Variants in RNF19A observed in about 807,000 individuals in gnomAD.
RNF19A encodes ring finger protein 19A, RBR E3 ubiquitin protein ligase, also known as E3 ubiquitin-protein ligase RNF19A.
Under a neutral mutation model 75.7 loss-of-function variants are expected in RNF19A, and 32 were observed. The ratio of observed to expected loss-of-function variants is 0.42; its 90% CI spans 0.32 to 0.57. The LOEUF is 0.57. Among genes scored for constraint, RNF19A ranks in the 20% least tolerant of loss-of-function variants. RNF19A has a pLI of 0.10. For missense variants in RNF19A, 782 were observed against 1,036.3 expected (o/e 0.75, Z 3.37); for synonymous variants, 335 against 345.2 (o/e 0.97, Z 0.33).
chr8:100,295,880 C>T (rs1317982249), intron 1 of RNF19A, among the ~76,000 whole-genome samples: 2 of 152,186 alleles, frequency 1.3e-5, no homozygotes, highest in African/African-American at 4.8e-5. Flanking sequence ...AGAGAAATCA[C>T]TGAAGTTCAT....
At chr8:100,294,537 C>T (rs1385060034) in intron 1 of RNF19A, among the ~76,000 whole-genome samples, 1 of 152,144 alleles carries the variant, frequency 6.6e-6, no homozygotes, top group African/African-American at 2.4e-5. Flanking sequence ...CTTACCATAA[C>T]TCCCTCCTTT....
intron 1 of RNF19A, among the ~76,000 whole-genome samples, chr8:100,335,826 G>C (rs1012252234): frequency 3.3e-5 from 5 of 152,214 alleles, no homozygotes; most frequent in Admixed American, 3.3e-4. Context: ...GGAGGTGCGG[G>C]CCTAGACAGC....
upstream of RNF19A, among the ~76,000 whole-genome samples, chr8:100,311,730 AAAAAAAAAAG>A (rs1347578401): frequency 1.3e-5 from 2 of 150,334 alleles, no homozygotes; most frequent in African/African-American, 5.0e-5. Context: ...AAAAAAAAAA[AAAAAAAAAAG>A]AAAAGAAAAT....
At chr8:100,263,152 G>A (rs544360443) in intron 7 of RNF19A, among the ~76,000 whole-genome samples, 33 of 152,284 alleles carry the variant, frequency 2.2e-4, no homozygotes, top group Non-Finnish European at 4.0e-4. Context: ...GGGGAAAAGT[G>A]TAGATACATA....
intron 1 of RNF19A, among the ~76,000 whole-genome samples, chr8:100,327,824 T>C (rs2130388487): frequency 6.6e-6 from 1 of 152,370 alleles, no homozygotes; most frequent in East Asian, 1.9e-4. Flanking sequence ...GCTTCACCAT[T>C]GTTCTTCAAG....
At chr8:100,316,273 T>A (rs2130316666) in intron 1 of RNF19A, among the ~76,000 whole-genome samples, 1 of 152,154 alleles carries the variant, frequency 6.6e-6, no homozygotes, top group Non-Finnish European at 1.5e-5. Context: ...AAAAGCAGCG[T>A]GGACCCAAAG....
chr8:100,263,782 A>C (rs1260238231), intron 7 of RNF19A, among the ~76,000 whole-genome samples: 1 of 152,066 alleles, frequency 6.6e-6, no homozygotes, highest in African/African-American at 2.4e-5. Flanking sequence ...TTTCAGGCAA[A>C]ATTTAAGATG....
chr8:100,290,619 C>A (rs1390591798), intron 1 of RNF19A, among the ~76,000 whole-genome samples: 1 of 152,090 alleles, frequency 6.6e-6, no homozygotes, highest in Non-Finnish European at 1.5e-5. Flanking sequence ...TTCACAAACA[C>A]AGGATAGATA....
At position 100,324,800 on chromosome 8, in the gene RNF19A, CTCTT is replaced by C. The variant is rs1356596704; in HGVS notation, c.-243+11304_-243+11307del. On this transcript the variant is annotated intron_variant, in intron 1 of 3. Transcript: ENST00000519527. This position sits in a 1 kb window ranked among gnomAD's most constrained non-coding sequence, Gnocchi z 4.2. ...ATTGATCTATCTTTTTTCTTTCTTT[CTCTT>C]TCTTCTTCCTTCCTTCCTTCCTTCC... is the stretch of plus-strand genomic sequence containing the variant. 2.0e-5 allele frequency among the ~76,000 whole-genome samples: 3 copies of C among 151,626 alleles called. No homozygotes were observed. The highest frequency in any genetic ancestry group is 1.9e-4 in the East Asian group (1 of 5,194).
rs753883845 is a variant in RNF19A at position 100,264,190 on chromosome 8, C to T, written c.1312G>A (p.Gly438Ser). The change falls in exon 7 of 10, where the codon GGT becomes AGT. Residue 438 changes from glycine (G) to serine (S), a missense_variant. By Grantham distance (56) the Gly-to-Ser change is moderately conservative (BLOSUM62 0). Around this residue, in one of 7 missense-constraint regions of RNF19A, gnomAD observed 442 missense variants for 541.6 expected, o/e 0.82. Coordinates refer to ENST00000341084, the MANE Select transcript of RNF19A (RefSeq NM_183419.4). The surrounding 1 kb of genome is among the most constrained non-coding windows in gnomAD (Gnocchi z 4.7). ...ACATAAGCTAACATAATAGGAACAC[C>T]GATACCTAAAGAGAAATTAAATCAG... is the stretch of plus-strand genomic sequence containing the variant. ...PVVAAVTVGI[G>S]VPIMLAYVYG... The T allele has an allele frequency of 1.1e-5, 18 of 1,605,176 alleles. No homozygotes were observed. The highest frequency in any genetic ancestry group is 1.4e-5 in the Non-Finnish European group (17 of 1,175,672).
At chr8:100,334,508 T>C (rs919238864) in intron 1 of RNF19A, among the ~76,000 whole-genome samples, 9 of 152,188 alleles carry the variant, frequency 5.9e-5, no homozygotes, top group African/African-American at 1.7e-4. Context: ...CCCCAGAACA[T>C]TGGGGTTCTG....
rs918679196 is a variant in RNF19A at position 100,314,967 on chromosome 8, G to A, written c.-242-1595C>T. The stretch of plus-strand genomic sequence containing the variant: ...CGAGACACCAATATGGTAAAGTATC[G>A]TCCCTCCCCTTGAGCAGCTTGTAAA... On this transcript the variant is annotated intron_variant, in intron 1 of 3. Transcript: ENST00000519527. This position sits in a 1 kb window ranked among gnomAD's most constrained non-coding sequence, Gnocchi z 4.1. Among the ~76,000 whole-genome samples the A allele has an allele frequency of 7.9e-5, 12 of 152,114 alleles. No individual in the cohort carries two copies. Among genetic ancestry groups the A allele is most frequent in the African/African-American group, 1.4e-4 (6 of 41,414 alleles).
intron 1 of RNF19A, among the ~76,000 whole-genome samples, chr8:100,334,439 T>C (rs1822649168): frequency 6.6e-6 from 1 of 152,190 alleles, no homozygotes; most frequent in African/African-American, 2.4e-5. Flanking sequence ...TTTCCTCTGT[T>C]CTTACCTGCT....
rs552159373 is a variant in RNF19A, at chr8:100,333,632, C to A, written c.-243+2476G>T. On this transcript the variant is annotated intron_variant, in intron 1 of 3. Coordinates refer to the RNF19A transcript ENST00000519527. The surrounding 1 kb of genome is among the most constrained non-coding windows in gnomAD (Gnocchi z 4.7). ...ACTTTTCTGTGTGTTGCCTGGGCAA[C>A]ATAGCAAGAGCCCATCTCTAAAAAT... Among the ~76,000 whole-genome samples the A allele has an allele frequency of 1.8e-4, 27 of 152,300 alleles. No homozygotes were observed. The highest frequency in any genetic ancestry group is 3.4e-4 in the Non-Finnish European group (23 of 68,038).
At position 100,304,499 on chromosome 8, in the gene RNF19A, C is replaced by A. The variant is rs112461040; in HGVS notation, c.-94+5368G>T. On this transcript the variant is annotated intron_variant, in intron 1 of 9. Coordinates refer to ENST00000341084, the MANE Select transcript of RNF19A (RefSeq NM_183419.4). ...CACTACTTACCAGTTCCCACCCCCA[C>A]TTACGCACTCACATTACTTACCAGT... Among the ~76,000 whole-genome samples the A allele has an allele frequency of 2.0e-4, 30 of 152,328 alleles. 1 individual carries two copies. The highest frequency in any genetic ancestry group is 7.0e-4 in the African/African-American group (29 of 41,584).
rs1039544334 is a variant in RNF19A at position 100,332,907 on chromosome 8, T to C, written c.-243+3201A>G. Among the ~76,000 whole-genome samples, 4 of 152,264 alleles carry C rather than the reference T, an allele frequency of 2.6e-5. No homozygotes were observed. The highest frequency in any genetic ancestry group is 9.6e-5 in the African/African-American group (4 of 41,478). Reference sequence around the variant, plus strand: ...ATTAGCCTCTTTTCTATCATATGTGTTTCAATTTTTTTCTATATTGCTGTT... The same window carrying C: ...ATTAGCCTCTTTTCTATCATATGTGCTTCAATTTTTTTCTATATTGCTGTT... On this transcript the variant is annotated intron_variant, in intron 1 of 3. Transcript: ENST00000519527. The surrounding 1 kb of genome is among the most constrained non-coding windows in gnomAD (Gnocchi z 4.8).
intron 5 of RNF19A, among the ~76,000 whole-genome samples, chr8:100,267,295 A>C (rs1309653483): frequency 6.6e-6 from 1 of 152,250 alleles, no homozygotes; most frequent in Non-Finnish European, 1.5e-5. Flanking sequence ...ACAGAGACCG[A>C]AATATCGAGG....
At chr8:100,280,970 TATA>T (rs1820755193) in intron 2 of RNF19A, among the ~76,000 whole-genome samples, 4 of 152,192 alleles carry the variant, frequency 2.6e-5, no homozygotes, top group Admixed American at 2.6e-4. Flanking sequence ...TCTGCTCTGG[TATA>T]ATAAGTGTTA....
rs1271702840 is a variant in RNF19A, at chr8:100,322,981, A to G, written c.-242-9609T>C. 1.3e-5 allele frequency among the ~76,000 whole-genome samples: 2 copies of G among 152,228 alleles called. No homozygotes were observed. The highest frequency in any genetic ancestry group is 1.5e-5 in the Non-Finnish European group (1 of 68,042). Reference sequence around the variant, plus strand: ...ATATAATAATAACTTAAAAGTTTGAAATATTGTGAGAACTACCAAAATACG... The same window carrying G: ...ATATAATAATAACTTAAAAGTTTGAGATATTGTGAGAACTACCAAAATACG... On this transcript the variant is annotated intron_variant, in intron 1 of 3. Coordinates refer to the RNF19A transcript ENST00000519527. The surrounding 1 kb of genome is among the most constrained non-coding windows in gnomAD (Gnocchi z 5.1).
Sources: allele counts gnomAD v4.1 joint callset (sites outside exome capture counted in the v4.1 genomes callset), GRCh38; gene constraint gnomAD v4.1.1; regional missense constraint gnomAD v4.1.1; non-coding constraint Gnocchi (gnomAD v3.1); transcripts MANE v1.5; gene names NCBI Gene and HGNC (gene_info 2026-07-23, HGNC 2026-07-21).